Variants in BPHL observed in about 807,000 individuals in gnomAD.
The protein encoded by BPHL is serine hydrolase BPHL.
In BPHL, 27 loss-of-function variants were observed where a neutral mutation model predicts 31.2. That is an observed-to-expected ratio of 0.87 (90% CI 0.64 to 1.19). The LOEUF is 1.19. BPHL is among the 50% of genes most tolerant of loss of function. BPHL has a pLI of 0.00. For synonymous variants in BPHL, 150 were observed against 146.8 expected, an observed-to-expected ratio of 1.02 and a Z score of -0.16; for missense variants, 356 against 375.7, an observed-to-expected ratio of 0.95 and a Z score of 0.43.
At chr6:3,152,304 A>G (rs1333046793) in intron 6 of BPHL, among the ~76,000 whole-genome samples, 184 bp from the exon 7 acceptor site, 1 of 152,192 alleles carries the variant, frequency 6.6e-6, no homozygotes, top group East Asian at 1.9e-4. Context: ...ATAAACTCCA[A>G]GAGTTTCACG....
chr6:3,139,281 T>G (rs982222413), intron 5 of BPHL: 1 of 152,232 alleles, frequency 6.6e-6, no homozygotes, highest in Non-Finnish European at 1.5e-5. Context: ...AACAAACATT[T>G]TTATATGCTG....
intron 6 of BPHL, among the ~76,000 whole-genome samples, chr6:3,143,502 ATG>A (rs1466318721): frequency 6.6e-6 from 1 of 152,192 alleles, no homozygotes; most frequent in African/African-American, 2.4e-5. Flanking sequence ...TGATTTTAAA[ATG>A]TGTTTTTAGT....
At chr6:3,145,814 T>C (rs1439907294) in intron 6 of BPHL, among the ~76,000 whole-genome samples, 1 of 39,632 alleles carries the variant, frequency 2.5e-5, no homozygotes, top group African/African-American at 1.0e-4. Context: ...TTGGGTCGAG[T>C]GCTGGTTTGG....
intron 6 of BPHL, among the ~76,000 whole-genome samples, chr6:3,151,840 C>A (rs1026648346): frequency 6.6e-6 from 1 of 152,216 alleles, no homozygotes; most frequent in Non-Finnish European, 1.5e-5. Flanking sequence ...AGTGTGTTTG[C>A]TACAATGCTG....
At chr6:3,145,669 CG>C (rs375015967) in intron 6 of BPHL, among the ~76,000 whole-genome samples, 7 of 21,062 alleles carry the variant, frequency 3.3e-4, no homozygotes, top group South Asian at 1.3e-3. Flanking sequence ...TGGTTTGGGT[CG>C]GAGTGCTGGT....
At position 3,127,331 on chromosome 6, in the gene BPHL, CA is replaced by C; in HGVS notation, c.302del (p.His101LeufsTer24). ...VVAWDPRGYG[H>X]SRPPDRDFPA... ...CGCCTGGGATCCTCGAGGCTATGGA[CA>C]TTCCAGGCCCCCAGATCGCGATTTC... On this transcript the variant is annotated frameshift_variant, in exon 3 of 7. Coordinates refer to ENST00000380379, the MANE Select transcript of BPHL (RefSeq NM_004332.4). LOFTEE classifies it high-confidence loss of function. The C allele has an allele frequency of 6.2e-7, 1 of 1,609,942 alleles. No individual in the cohort carries two copies. Among genetic ancestry groups the C allele is most frequent in the Non-Finnish European group, 8.5e-7 (1 of 1,177,632 alleles).
chr6:3,128,756 G>C (rs1761786010), intron 3 of BPHL, among the ~76,000 whole-genome samples: 1 of 152,244 alleles, frequency 6.6e-6, no homozygotes, highest in Non-Finnish European at 1.5e-5. Flanking sequence ...TCATATTTAA[G>C]TACTTGGTCT....
Position 3,152,651 on chromosome 6 carries a change from GA to G in BPHL, c.*79del. ...TGCTGCCTGTTAACATGATGCCTTT[GA>G]AACTCTCCGCCTTTGAAACTTTCTA... On this transcript the variant is annotated 3_prime_UTR_variant, in exon 7 of 7. Transcript: ENST00000380379. 3 of 1,316,640 alleles carry G rather than the reference GA, an allele frequency of 2.3e-6. No individual in the cohort carries two copies. The South Asian group carries it at 3.8e-5, about 17-fold the overall frequency. 81.6% of individuals were successfully genotyped at this position (1,316,640 alleles called of 1,614,324 possible).
At chr6:3,128,933 CTAAT>C in intron 3 of BPHL, 108 bp from the exon 4 acceptor site, 2 of 1,496,088 alleles carry the variant, frequency 1.3e-6, no homozygotes, top group Non-Finnish European at 1.9e-6. Flanking sequence ...TCTTTTCTGA[CTAAT>C]TGATACTCCA....
intron 1 of BPHL, among the ~76,000 whole-genome samples, chr6:3,121,935 A>G (rs185251027): frequency 1.2e-3 from 185 of 152,214 alleles, no homozygotes; most frequent in Admixed American, 1.8e-3. Context: ...TCATTTTTTC[A>G]AAAGGGCTGT....
At chr6:3,136,992 A>G (rs970087842) in intron 4 of BPHL, among the ~76,000 whole-genome samples, 3 of 152,152 alleles carry the variant, frequency 2.0e-5, no homozygotes, top group African/African-American at 7.2e-5. Context: ...TTAGGGTCAT[A>G]TTTTCTTTTA....
At chr6:3,125,050 T>C (rs975445219) in intron 2 of BPHL, among the ~76,000 whole-genome samples, 1 of 123,758 alleles carries the variant, frequency 8.1e-6, no homozygotes. Context: ...ACCAATTTAA[T>C]TTTTTTTTTT....
At chr6:3,119,702 G>A (rs1472729337) in intron 1 of BPHL, among the ~76,000 whole-genome samples, 5 of 152,164 alleles carry the variant, frequency 3.3e-5, no homozygotes, top group Admixed American at 6.5e-5. Context: ...GTGCATGTGC[G>A]CAGTTGACTG....
chr6:3,139,970 A>G (rs1762126692), intron 5 of BPHL: 1 of 173,624 alleles, frequency 5.8e-6, no homozygotes, highest in African/African-American at 2.4e-5. Flanking sequence ...TGAGGTTCAT[A>G]TGCTTTGAGG....
intron 1 of BPHL, among the ~76,000 whole-genome samples, chr6:3,120,342 A>G (rs527700814): frequency 6.6e-6 from 1 of 152,236 alleles, no homozygotes; most frequent in Admixed American, 6.5e-5. Context: ...GCCTACCAGT[A>G]TAGTTCTGAT....
At chr6:3,121,497 G>A (rs1040591738) in intron 1 of BPHL, among the ~76,000 whole-genome samples, 8 of 151,874 alleles carry the variant, frequency 5.3e-5, no homozygotes, top group East Asian at 1.9e-4. Flanking sequence ...TAGAGATGGC[G>A]TTCCACCATG....
chr6:3,123,325 T>C (rs1183962337), intron 1 of BPHL, among the ~76,000 whole-genome samples: 2 of 152,364 alleles, frequency 1.3e-5, no homozygotes, highest in East Asian at 3.9e-4. Flanking sequence ...GGGGGTGGAT[T>C]TTTAAACATT....
intron 2 of BPHL, among the ~76,000 whole-genome samples, chr6:3,125,148 C>T (rs767124133): frequency 1.6e-4 from 25 of 151,624 alleles, no homozygotes; most frequent in Non-Finnish European, 2.9e-4. Flanking sequence ...CAGGTTCAAG[C>T]GATTCTCCTG....
At chr6:3,120,284 C>T (rs1424340677) in intron 1 of BPHL, among the ~76,000 whole-genome samples, 1 of 152,168 alleles carries the variant, frequency 6.6e-6, no homozygotes, top group African/African-American at 2.4e-5. Flanking sequence ...ATCCACCTGC[C>T]TCAGCCTCCC....
Sources: allele counts gnomAD v4.1 joint callset (sites outside exome capture counted in the v4.1 genomes callset), GRCh38; gene constraint gnomAD v4.1.1; transcripts MANE v1.5; gene names NCBI Gene and HGNC (gene_info 2026-07-23, HGNC 2026-07-21).